Variants in EPB41L2 observed in about 807,000 individuals in gnomAD.
The protein encoded by EPB41L2 is band 4.1-like protein 2.
A neutral mutation model predicts 113.0 loss-of-function variants in EPB41L2; 43 were observed. That is an observed-to-expected ratio of 0.38 (90% CI 0.30 to 0.49). The LOEUF is 0.49. Among genes scored for constraint, EPB41L2 ranks in the 20% least tolerant of loss-of-function variants. EPB41L2 has a pLI of 0.95. For synonymous variants in EPB41L2, 442 were observed against 436.7 expected (o/e 1.01, Z -0.15); for missense variants, 1,147 against 1,223.4 (o/e 0.94, Z 0.93).
intron 1 of EPB41L2, among the ~76,000 whole-genome samples, chr6:131,002,543 T>C (rs947925206): frequency 6.6e-6 from 1 of 152,244 alleles, no homozygotes; most frequent in African/African-American, 2.4e-5. Flanking sequence ...TACGAATTCC[T>C]ACAGGAATTC....
At chr6:130,947,355 T>C (rs985750165) in intron 3 of EPB41L2, among the ~76,000 whole-genome samples, 1 of 152,154 alleles carries the variant, frequency 6.6e-6, no homozygotes, top group South Asian at 2.1e-4. Context: ...GCATGTTATA[T>C]CAAGGTTTAA....
intron 11 of EPB41L2, among the ~76,000 whole-genome samples, chr6:130,885,532 T>C (rs758286465): frequency 2.0e-5 from 3 of 152,176 alleles, no homozygotes; most frequent in Non-Finnish European, 4.4e-5. Context: ...ACTCAGATCA[T>C]GGAACTGGCC....
chr6:130,942,911 G>C (rs539771942), intron 3 of EPB41L2, among the ~76,000 whole-genome samples: 1 of 152,282 alleles, frequency 6.6e-6, no homozygotes, highest in South Asian at 2.1e-4. Flanking sequence ...CCATGTCCCT[G>C]CAAAGGACAC....
rs1288328270 is a variant in EPB41L2, at chr6:130,987,070, T to TA, written c.-14-30572dup. On this transcript the variant is annotated intron_variant, in intron 1 of 19. Transcript: ENST00000337057. ...AACATATCAGTACTTCCTTCATCTGTATGCCCCAATAATATTAAATTCTAT... is the reference window on the plus strand; with the variant it reads ...AACATATCAGTACTTCCTTCATCTGTAATGCCCCAATAATATTAAATTCTAT... Among the ~76,000 whole-genome samples, 7 of 152,336 alleles carry TA rather than the reference T, an allele frequency of 4.6e-5. No homozygotes were observed. In the East Asian group the frequency reaches 9.6e-4, roughly 21 times the overall value.
intron 19 of EPB41L2, among the ~76,000 whole-genome samples, chr6:130,847,380 G>A (rs573436366): frequency 6.6e-6 from 1 of 152,216 alleles, no homozygotes; most frequent in Non-Finnish European, 1.5e-5. Flanking sequence ...TTTTATGCAT[G>A]TTCCTATGCC....
Position 130,867,725 on chromosome 6 carries a change from A to T in EPB41L2, c.2608-144T>A, listed in dbSNP as rs548330615. ...AAAGAGTAAAAGCAAACAACCTAAA[A>T]CAAACAAAAGAAATAAAAGAAAAAT... On this transcript the variant is annotated intron_variant, in intron 15 of 19. Transcript: ENST00000337057. The T allele has an allele frequency of 1.1e-4, 124 of 1,114,018 alleles. 1 individual carries two copies. The African/African-American group carries it at 1.5e-3, about 14-fold the overall frequency. 69.0% of individuals were successfully genotyped at this position (1,114,018 alleles called of 1,614,324 possible).
At chr6:130,863,910 T>C (rs1346098807) in intron 17 of EPB41L2, among the ~76,000 whole-genome samples, 192 bp from the exon 18 acceptor site, 4 of 152,210 alleles carry the variant, frequency 2.6e-5, no homozygotes, top group African/African-American at 7.2e-5. Context: ...ATCCTATTAC[T>C]AAAGTTATAG....
At chr6:130,985,138 C>T (rs376632868) in intron 1 of EPB41L2, among the ~76,000 whole-genome samples, 91 of 152,286 alleles carry the variant, frequency 6.0e-4, no homozygotes, top group African/African-American at 2.1e-3. Context: ...ACGCACAACC[C>T]AGAGTGAGAT....
At chr6:131,023,528 C>T (rs1972244) in intron 1 of EPB41L2, among the ~76,000 whole-genome samples, 1 of 151,826 alleles carries the variant, frequency 6.6e-6, no homozygotes, top group African/African-American at 2.4e-5. Context: ...ACTAAAAATA[C>T]AAAAATTAGC....
chr6:131,037,585 A>AAT (rs377014093), intron 1 of EPB41L2, among the ~76,000 whole-genome samples: 8 of 122,682 alleles, frequency 6.5e-5, no homozygotes, highest in Non-Finnish European at 1.3e-4. Context: ...AAAACCTAAA[A>AAT]TTTTTTTTTT....
intron 14 of EPB41L2, among the ~76,000 whole-genome samples, chr6:130,874,272 T>A (rs1317740676): frequency 6.6e-6 from 1 of 151,908 alleles, no homozygotes; most frequent in Admixed American, 6.5e-5. Flanking sequence ...TTTTTTTTTT[T>A]TAAAAAGAAA....
chr6:130,927,006 T>C (rs1421665378), intron 3 of EPB41L2, among the ~76,000 whole-genome samples: 1 of 152,226 alleles, frequency 6.6e-6, no homozygotes, highest in East Asian at 1.9e-4. Flanking sequence ...CATTTTCTTA[T>C]TTCAAAAATG....
chr6:130,937,577 T>C (rs1379627622), intron 3 of EPB41L2, among the ~76,000 whole-genome samples: 1 of 152,148 alleles, frequency 6.6e-6, no homozygotes, highest in African/African-American at 2.4e-5. Context: ...TCCCAGCACT[T>C]TGGGAGGCCG....
At chr6:130,943,429 G>T (rs1198197659) in intron 3 of EPB41L2, among the ~76,000 whole-genome samples, 1 of 152,160 alleles carries the variant, frequency 6.6e-6, no homozygotes, top group Non-Finnish European at 1.5e-5. Context: ...CCAAAACAGA[G>T]AAATAATTCA....
chr6:131,037,585 A>ATTTTT (rs10685424), intron 1 of EPB41L2, among the ~76,000 whole-genome samples: 10 of 122,680 alleles, frequency 8.2e-5, no homozygotes, highest in African/African-American at 2.8e-4. Flanking sequence ...AAAACCTAAA[A>ATTTTT]TTTTTTTTTT....
At position 131,055,197 on chromosome 6, in the gene EPB41L2, C is replaced by T. The variant is rs77460543; in HGVS notation, c.-15+7958G>A. 8.1e-3 allele frequency among the ~76,000 whole-genome samples: 1,234 copies of T among 152,212 alleles called. 19 individuals are homozygous for T. Among genetic ancestry groups the T allele is most frequent in the African/African-American group, 0.027 (1,135 of 41,532 alleles). Reference sequence around the variant, plus strand: ...GCTTTTTTTCATAATCCCTGCAGTACTACCTGACTTTCTAAATCATATAAA... The same window carrying T: ...GCTTTTTTTCATAATCCCTGCAGTATTACCTGACTTTCTAAATCATATAAA... On this transcript the variant is annotated intron_variant, in intron 1 of 19. Coordinates refer to ENST00000337057, the MANE Select transcript of EPB41L2 (RefSeq NM_001431.4).
Position 130,929,177 on chromosome 6 carries a change from G to C in EPB41L2, c.706-2468C>G, listed in dbSNP as rs952516521. ...ACAACACATGAAGCACATGTTGAGAGAGCGATGTACAAAGTGCTATCAGAA... is the reference window on the plus strand; with the variant it reads ...ACAACACATGAAGCACATGTTGAGACAGCGATGTACAAAGTGCTATCAGAA... On this transcript the variant is annotated intron_variant, in intron 3 of 19. Transcript: ENST00000337057. Among the ~76,000 whole-genome samples, 3 of 152,180 alleles carry C rather than the reference G, an allele frequency of 2.0e-5. 1 individual carries two copies. Among genetic ancestry groups the C allele is most frequent in the East Asian group, 1.9e-4 (1 of 5,182 alleles).
At chr6:130,985,743 G>C (rs1039320093) in intron 1 of EPB41L2, among the ~76,000 whole-genome samples, 2 of 152,146 alleles carry the variant, frequency 1.3e-5, no homozygotes, top group African/African-American at 4.8e-5. Flanking sequence ...GAGTGCTGAG[G>C]GCTTTGAAGA....
Position 130,908,846 on chromosome 6 carries a change from A to C in EPB41L2, c.828T>G (p.Ala276=). 2 of 1,605,136 alleles carry C rather than the reference A, an allele frequency of 1.2e-6. No individual in the cohort carries two copies. Among genetic ancestry groups the C allele is most frequent in the Admixed American group, 3.4e-5 (2 of 59,186 alleles). Reference sequence around the variant, plus strand: ...TTCTCAGTTGTCTCTTTATTTCTTTAGCAGGATCTAACCAGTTCTGCATGA... The same window carrying C: ...TTCTCAGTTGTCTCTTTATTTCTTTCGCAGGATCTAACCAGTTCTGCATGA... The part of the protein sequence containing the change: ...SPEQKNWLDP[A]KEIKRQLRNL... The change falls in exon 5 of 20, where the codon GCT becomes GCG. Residue 276 remains alanine, a synonymous_variant. Coordinates refer to ENST00000337057, the MANE Select transcript of EPB41L2 (RefSeq NM_001431.4).
Sources: allele counts gnomAD v4.1 joint callset (sites outside exome capture counted in the v4.1 genomes callset), GRCh38; gene constraint gnomAD v4.1.1; transcripts MANE v1.5; gene names NCBI Gene and HGNC (gene_info 2026-07-23, HGNC 2026-07-21).